The following SORL1 variants were observed in gnomAD, a reference collection of about 807,000 sequenced individuals.
The protein encoded by SORL1 is sortilin-related receptor.
SORL1 carries 127 observed loss-of-function variants against 273.7 expected under a neutral mutation model. That is an observed-to-expected ratio of 0.46 (90% CI 0.40 to 0.54). SORL1 has a LOEUF of 0.54. SORL1 is among the 20% of genes least tolerant of loss of function. SORL1 has a pLI of 0.00. For synonymous variants in SORL1, 1,031 were observed against 1,067.4 expected, an observed-to-expected ratio of 0.97 and a Z score of 0.66; for missense variants, 2,494 against 2,846.1, an observed-to-expected ratio of 0.88 and a Z score of 2.81.
At chr11:121,514,758 C>G (rs147835789) in intron 8 of SORL1, among the ~76,000 whole-genome samples, 4 of 152,068 alleles carry the variant, frequency 2.6e-5, no homozygotes, top group East Asian at 1.9e-4. Flanking sequence ...GATAATCGGA[C>G]GGTGTTTTGT....
chr11:121,509,940 A>G (rs1861850901), intron 6 of SORL1, among the ~76,000 whole-genome samples: 1 of 152,228 alleles, frequency 6.6e-6, no homozygotes, highest in Non-Finnish European at 1.5e-5. Flanking sequence ...ACCTTTCAGG[A>G]GGGCTATTTC....
At chr11:121,459,322 C>G (rs1191759633) in intron 1 of SORL1, among the ~76,000 whole-genome samples, 1 of 152,236 alleles carries the variant, frequency 6.6e-6, no homozygotes, top group South Asian at 2.1e-4. Flanking sequence ...TCTGCTTCAC[C>G]CAAGAGAGAA....
At chr11:121,537,502 G>A (rs919166290) in intron 12 of SORL1, among the ~76,000 whole-genome samples, 1 of 152,146 alleles carries the variant, frequency 6.6e-6, no homozygotes, top group Non-Finnish European at 1.5e-5. Context: ...TTGCAGGGCT[G>A]TATATTAAAT....
At position 121,552,376 on chromosome 11, in the gene SORL1, G is replaced by C. The variant is rs745991720; in HGVS notation, c.2267-1561G>C. ...GTTAAGCATTGCGCGCTGGAATGCC[G>C]CATGCTGCTCTGAACATAATCCTAA... On this transcript the variant is annotated intron_variant, in intron 16 of 47. Coordinates refer to ENST00000260197, the MANE Select transcript of SORL1 (RefSeq NM_003105.6). 5.9e-5 allele frequency among the ~76,000 whole-genome samples: 9 copies of C among 152,342 alleles called. No individual in the cohort carries two copies. In the South Asian group the frequency reaches 1.7e-3, roughly 28 times the overall value.
chr11:121,479,727 C>A (rs534018301), intron 3 of SORL1, among the ~76,000 whole-genome samples: 1 of 152,262 alleles, frequency 6.6e-6, no homozygotes, highest in African/African-American at 2.4e-5. Flanking sequence ...CGGCTGTTGA[C>A]CAGGTGGTAC....
intron 6 of SORL1, among the ~76,000 whole-genome samples, chr11:121,510,713 G>A (rs890295102): frequency 5.3e-5 from 8 of 152,178 alleles, no homozygotes; most frequent in Admixed American, 5.2e-4. Flanking sequence ...CCACTGCTCA[G>A]GAGGAAAGGG....
At chr11:121,521,317 C>T (rs1279521959) in intron 9 of SORL1, among the ~76,000 whole-genome samples, 2 of 152,166 alleles carry the variant, frequency 1.3e-5, no homozygotes, top group Non-Finnish European at 2.9e-5. Context: ...AAGAGGCAGC[C>T]TATAAATGGA....
chr11:121,538,183 A>ATTTT (rs11399955), intron 12 of SORL1, among the ~76,000 whole-genome samples: 1 of 146,586 alleles, frequency 6.8e-6, no homozygotes. Flanking sequence ...GGTGGCTCCT[A>ATTTT]TTTTTTTTTT....
intron 26 of SORL1, among the ~76,000 whole-genome samples, chr11:121,585,903 A>T (rs1488542659): frequency 6.6e-6 from 1 of 152,226 alleles, no homozygotes; most frequent in Non-Finnish European, 1.5e-5. Flanking sequence ...AATCTATTAC[A>T]CAGTTTTGCA....
intron 1 of SORL1, among the ~76,000 whole-genome samples, chr11:121,457,018 A>AG (rs1233857412): frequency 6.6e-6 from 1 of 152,202 alleles, no homozygotes; most frequent in Non-Finnish European, 1.5e-5. Flanking sequence ...GTGCTGCTTC[A>AG]GGTTGGCTTT....
rs374434445 is a variant in SORL1, at chr11:121,553,954, C to G, written c.2284C>G (p.Leu762Val). 6.2e-7 allele frequency: 1 copy of G among 1,613,710 alleles called. No homozygotes were observed. The highest frequency in any genetic ancestry group is 8.5e-7 in the Non-Finnish European group (1 of 1,179,840). Residue 762 changes from leucine (L) to valine (V), a missense_variant, in exon 17 of 48, where the codon CTG becomes GTG. Transcript: ENST00000260197. ...TCTGGCAGAAGAGAACGAGTTCATTCTGTATGCTGTGAGGAAATCCATCTA... is the reference window on the plus strand; with the variant it reads ...TCTGGCAGAAGAGAACGAGTTCATTGTGTATGCTGTGAGGAAATCCATCTA... ...CPLAEENEFI[L>V]YAVRKSIYRY...
At chr11:121,505,391 A>C (rs554275079) in intron 6 of SORL1, among the ~76,000 whole-genome samples, 17 of 151,990 alleles carry the variant, frequency 1.1e-4, no homozygotes, top group African/African-American at 4.1e-4. Flanking sequence ...TAATCTTTTC[A>C]AAGAATCAAT....
chr11:121,533,377 C>T (rs1862228064), intron 12 of SORL1, among the ~76,000 whole-genome samples: 1 of 152,108 alleles, frequency 6.6e-6, no homozygotes, highest in African/African-American at 2.4e-5. Context: ...ACAGGATTAG[C>T]ACTTGGGTTT....
At chr11:121,613,203 G>A (rs1699098) in intron 40 of SORL1, among the ~76,000 whole-genome samples, 73,772 of 152,010 alleles carry the variant, frequency 0.49, 19,958 homozygotes, top group Non-Finnish European at 0.63. Flanking sequence ...TCACTCTCCC[G>A]TTGCTAATGA....
chr11:121,607,801 T>C (rs1364724634), intron 37 of SORL1, among the ~76,000 whole-genome samples: 1 of 152,206 alleles, frequency 6.6e-6, no homozygotes, highest in African/African-American at 2.4e-5. Flanking sequence ...TTTGTATATG[T>C]GTGTATTTAT....
rs1231344705 is a variant in SORL1, at chr11:121,621,090, C to G, written c.5916C>G (p.Leu1972=). 5 of 1,611,998 alleles carry G rather than the reference C, an allele frequency of 3.1e-6. No homozygotes were observed. Among genetic ancestry groups the G allele is most frequent in the Non-Finnish European group, 4.2e-6 (5 of 1,178,852 alleles). The change falls in exon 44 of 48, where the codon CTC becomes CTG. Residue 1972 remains leucine (L), a synonymous_variant. Coordinates refer to ENST00000260197, the MANE Select transcript of SORL1 (RefSeq NM_003105.6). ...DLLYAVAVKD[L]IRKTDRSYKV... ...TGTATGCAGTTGCAGTCAAAGATCT[C>G]ATAAGAAAGACTGACAGGAGCTACA...
In SORL1 at chr11:121,577,263, T is replaced by G. The variant is rs764406811; in HGVS notation, c.3461-18T>G. 5.1e-6 allele frequency: 8 copies of G among 1,569,586 alleles called. No homozygotes were observed. Among genetic ancestry groups the G allele is most frequent in the Non-Finnish European group, 6.0e-6 (7 of 1,159,334 alleles). On this transcript the variant is annotated intron_variant, in intron 24 of 47. Coordinates refer to ENST00000260197, the MANE Select transcript of SORL1 (RefSeq NM_003105.6). ...CAAGCTTTTGTCCTCACCTCTCTGT[T>G]TATGGTCTCACCTGCAGAAATGCAC... is the stretch of plus-strand genomic sequence containing the variant.
rs771341296 is a variant in SORL1, at chr11:121,566,978, TG to T, written c.3089del (p.Cys1030SerfsTer27). 6 of 1,613,958 alleles carry T rather than the reference TG, an allele frequency of 3.7e-6. No homozygotes were observed. The African/African-American group carries it at 8.0e-5, about 22-fold the overall frequency. ...ACVPRPCSLL[C>X]LPKANNSRSC... ...TGTGCCCAGGCCATGCAGCCTGCTG[TG>T]CCTGCCCAAGGCCAACAACAGTAGA... On this transcript the variant is annotated frameshift_variant, in exon 22 of 48. Coordinates refer to ENST00000260197, the MANE Select transcript of SORL1 (RefSeq NM_003105.6). LOFTEE classifies it high-confidence loss of function.
chr11:121,566,931 T>C lies in SORL1; in HGVS notation c.3050-9T>C. On this transcript the variant is annotated splice_polypyrimidine_tract_variant and intron_variant, in intron 21 of 47. Coordinates refer to ENST00000260197, the MANE Select transcript of SORL1 (RefSeq NM_003105.6). Reference sequence around the variant, plus strand: ...TTAACCTACCTGCTGCTGTTTGTCTTCCCTCCAGGAAGCAATGCCTGTGTG... The same window carrying C: ...TTAACCTACCTGCTGCTGTTTGTCTCCCCTCCAGGAAGCAATGCCTGTGTG... The C allele has an allele frequency of 6.2e-7, 1 of 1,611,680 alleles. No individual in the cohort carries two copies. Among genetic ancestry groups the C allele is most frequent in the African/African-American group, 1.3e-5 (1 of 74,996 alleles).
Sources: gnomAD v4.1 joint callset for allele counts (sites outside exome capture counted in the v4.1 genomes callset) on GRCh38, gnomAD v4.1.1 for gene constraint, MANE v1.5 for transcripts, NCBI Gene and HGNC (gene_info 2026-07-23, HGNC 2026-07-21) for gene names.